Variants in PLAAT3 observed in about 807,000 individuals in gnomAD.
The protein encoded by PLAAT3 is Ca-independent phospholipase A1/2.
PLAAT3 carries 21 observed loss-of-function variants against 16.7 expected under a neutral mutation model. That is an observed-to-expected ratio of 1.26 (90% CI 0.89 to 1.81). The LOEUF is 1.81. Ranked by LOEUF, PLAAT3 falls within the 40% of genes most tolerant of loss-of-function variation. The pLI is 0.00. For missense variants in PLAAT3, 219 were observed against 213.7 expected (o/e 1.02, Z -0.16); for synonymous variants, 76 against 81.7 (o/e 0.93, Z 0.38).
intron 2 of PLAAT3, among the ~76,000 whole-genome samples, chr11:63,609,836 T>C (rs1465823156): frequency 6.6e-6 from 1 of 152,018 alleles, no homozygotes; most frequent in Admixed American, 6.6e-5. Context: ...TCATCCACCC[T>C]CCCAGACTTT....
chr11:63,602,114 C>T (rs1051469321), intron 2 of PLAAT3, among the ~76,000 whole-genome samples: 1 of 151,292 alleles, frequency 6.6e-6, no homozygotes, highest in African/African-American at 2.4e-5. Context: ...ATGGTGAAAC[C>T]CCCCGTCTCT....
intron 2 of PLAAT3, among the ~76,000 whole-genome samples, chr11:63,604,109 G>A (rs970968616): frequency 1.3e-5 from 2 of 152,074 alleles, no homozygotes; most frequent in African/African-American, 4.8e-5. Flanking sequence ...CTGAGATCAC[G>A]CCACTGCACT....
intron 3 of PLAAT3, among the ~76,000 whole-genome samples, chr11:63,591,256 C>T (rs1938145412): frequency 6.6e-6 from 1 of 152,140 alleles, no homozygotes; most frequent in Admixed American, 6.5e-5. Flanking sequence ...GTGGTGTGCA[C>T]CTGTGATCCC....
intron 3 of PLAAT3, among the ~76,000 whole-genome samples, chr11:63,594,270 G>A (rs1028748926): frequency 7.2e-5 from 11 of 152,164 alleles, no homozygotes; most frequent in South Asian, 4.1e-4. Context: ...GAAGGGGGAT[G>A]TAAATTGAGG....
At chr11:63,595,291 G>GAA (rs1938260943) in intron 3 of PLAAT3, among the ~76,000 whole-genome samples, 1 of 112,186 alleles carries the variant, frequency 8.9e-6, no homozygotes. Flanking sequence ...ACTCCGTCTC[G>GAA]GAAAAAAAAA....
In PLAAT3 at chr11:63,601,755, C is replaced by T. The variant is rs533346320; in HGVS notation, c.16-3592G>A. Among the ~76,000 whole-genome samples, 6 of 152,240 alleles carry T rather than the reference C, an allele frequency of 3.9e-5. No individual in the cohort carries two copies. The South Asian group carries it at 1.2e-3, about 32-fold the overall frequency. On this transcript the variant is annotated intron_variant, in intron 2 of 4. Transcript: ENST00000415826. ...CTTTGGGAGGCCAAGGTGGGCGGATCACCCGAGGTCAGGAGTTCAAGACCA... is the reference window on the plus strand; with the variant it reads ...CTTTGGGAGGCCAAGGTGGGCGGATTACCCGAGGTCAGGAGTTCAAGACCA...
Position 63,590,320 on chromosome 11 carries a change from T to TC in PLAAT3, c.166dup (p.Asp56GlyfsTer12). 2 of 1,614,092 alleles carry TC rather than the reference T, an allele frequency of 1.2e-6. No individual in the cohort carries two copies. Among genetic ancestry groups the TC allele is most frequent in the Non-Finnish European group, 1.7e-6 (2 of 1,179,902 alleles). ...CAATTCCTTCTTCACGATGGCCTTGTCAGTCAGGGCGGACATGACACTGGC... is the reference window on the plus strand; with the variant it reads ...CAATTCCTTCTTCACGATGGCCTTGTCCAGTCAGGGCGGACATGACACTGGC... On this transcript the variant is annotated frameshift_variant, in exon 4 of 5. Coordinates refer to ENST00000415826, the MANE Select transcript of PLAAT3 (RefSeq NM_001128203.2). LOFTEE classifies it high-confidence loss of function.
intron 4 of PLAAT3, among the ~76,000 whole-genome samples, chr11:63,585,602 A>G (rs1288495117): frequency 6.6e-6 from 1 of 152,184 alleles, no homozygotes; most frequent in Non-Finnish European, 1.5e-5. Context: ...TCCTAGACCA[A>G]GAAATGAAAG....
intron 2 of PLAAT3, among the ~76,000 whole-genome samples, chr11:63,608,853 A>G (rs1294344200): frequency 6.6e-6 from 1 of 152,140 alleles, no homozygotes; most frequent in African/African-American, 2.4e-5. Flanking sequence ...TACTAACTAT[A>G]TAGTCTTGGC....
In PLAAT3 at chr11:63,614,313, G is replaced by A. The variant is rs1016147902; in HGVS notation, c.-55+72C>T. 21 of 456,510 alleles carry A rather than the reference G, an allele frequency of 4.6e-5. 1 individual carries two copies. In the East Asian group the frequency reaches 7.1e-4, roughly 15 times the overall value. The allele number at this position is 456,510 out of a possible 1,614,324, so 28.3% of individuals were successfully genotyped here. On this transcript the variant is annotated intron_variant, in intron 1 of 4. Transcript: ENST00000415826. ...CTACCCAATTAGATCTCTTCCTCGCGGAAGGGGAGAAGCATCCCAGGCACC... is the reference window on the plus strand; with the variant it reads ...CTACCCAATTAGATCTCTTCCTCGCAGAAGGGGAGAAGCATCCCAGGCACC...
chr11:63,600,265 G>A (rs981552628), intron 2 of PLAAT3, among the ~76,000 whole-genome samples: 2 of 152,288 alleles, frequency 1.3e-5, no homozygotes, highest in Non-Finnish European at 1.5e-5. Flanking sequence ...TTACAGGCAC[G>A]TGCCATCGCG....
intron 2 of PLAAT3, among the ~76,000 whole-genome samples, chr11:63,608,028 T>C (rs1201663078): frequency 6.6e-6 from 1 of 151,738 alleles, no homozygotes; most frequent in Non-Finnish European, 1.5e-5. Flanking sequence ...CTACTAAAAA[T>C]ATAAAAAATT....
intron 4 of PLAAT3, among the ~76,000 whole-genome samples, chr11:63,581,389 T>C (rs1343280232): frequency 6.6e-6 from 1 of 152,198 alleles, no homozygotes; most frequent in Non-Finnish European, 1.5e-5. Flanking sequence ...GGTAGGTCTA[T>C]AGACGGCCGC....
At chr11:63,597,224 A>G (rs1347669558) in intron 3 of PLAAT3, among the ~76,000 whole-genome samples, 3 of 151,822 alleles carry the variant, frequency 2.0e-5, no homozygotes, top group Non-Finnish European at 4.4e-5. Flanking sequence ...CTGTGAGTCA[A>G]TTAAACCTCT....
chr11:63,595,069 T>A (rs1938253181), intron 3 of PLAAT3, among the ~76,000 whole-genome samples: 1 of 152,066 alleles, frequency 6.6e-6, no homozygotes, highest in East Asian at 1.9e-4. Context: ...GGCAGGCAGA[T>A]CACTTGAGGT....
At chr11:63,614,192 C>G (rs1190826327) in intron 1 of PLAAT3, 124 bp from the exon 2 acceptor site, 3 of 766,264 alleles carry the variant, frequency 3.9e-6, no homozygotes, top group African/African-American at 3.6e-5. Context: ...GAACAACCAC[C>G]TCGCTCCCTT....
intron 2 of PLAAT3, among the ~76,000 whole-genome samples, chr11:63,605,522 C>T (rs969954114): frequency 3.9e-5 from 6 of 152,178 alleles, no homozygotes; most frequent in African/African-American, 1.4e-4. Flanking sequence ...TTCATTCCCT[C>T]TGTCCAGTGT....
chr11:63,595,065 C>A (rs1464046115), intron 3 of PLAAT3, among the ~76,000 whole-genome samples: 2 of 151,986 alleles, frequency 1.3e-5, no homozygotes, highest in Non-Finnish European at 2.9e-5. Context: ...CCGAGGCAGG[C>A]AGATCACTTG....
chr11:63,610,367 G>A (rs1938663130), intron 2 of PLAAT3, among the ~76,000 whole-genome samples: 1 of 152,196 alleles, frequency 6.6e-6, no homozygotes, highest in Non-Finnish European at 1.5e-5. Context: ...TCATTGTTAA[G>A]CCTAGCCTGT....
Sources: allele counts gnomAD v4.1 joint callset (sites outside exome capture counted in the v4.1 genomes callset), GRCh38; gene constraint gnomAD v4.1.1; transcripts MANE v1.5; gene names NCBI Gene and HGNC (gene_info 2026-07-23, HGNC 2026-07-21).